RBFOX1: variants seen among roughly 807,000 people sequenced by gnomAD.
RBFOX1 encodes RNA binding protein fox-1 homolog 1.
In RBFOX1, 8 loss-of-function variants were observed where a neutral mutation model predicts 57.7. The ratio of observed to expected loss-of-function variants is 0.14; its 90% CI spans 0.08 to 0.25. The LOEUF (loss-of-function observed/expected upper bound fraction) is 0.25, where lower values mean the gene tolerates loss of function less well. Ranked by LOEUF, RBFOX1 falls within the 10% of genes least tolerant of loss-of-function variation. The probability of loss-of-function intolerance (pLI) is 1.00; values close to 1 mark genes in which losing one functional copy is unlikely to be tolerated. For missense variants in RBFOX1, 611 were observed against 548.5 expected, an observed-to-expected ratio of 1.11 and a Z score of -1.14; for synonymous variants, 326 against 222.4, an observed-to-expected ratio of 1.47 and a Z score of -4.15.
intron 3 of RBFOX1, among the ~76,000 whole-genome samples, chr16:7,037,020 G>A (rs1335446060): frequency 6.6e-6 from 1 of 152,096 alleles, no homozygotes; most frequent in Non-Finnish European, 1.5e-5. Flanking sequence ...CTGTCATGGT[G>A]CCAGTGGGAG....
chr16:7,443,313 C>T (rs2098783652), intron 4 of RBFOX1, among the ~76,000 whole-genome samples: 1 of 152,122 alleles, frequency 6.6e-6, no homozygotes, highest in Non-Finnish European at 1.5e-5. Flanking sequence ...AATGCTTGAT[C>T]AGCAGCCTTT....
At chr16:7,496,854 A>G (rs1363729076) in intron 4 of RBFOX1, among the ~76,000 whole-genome samples, 1 of 152,172 alleles carries the variant, frequency 6.6e-6, no homozygotes, top group Admixed American at 6.5e-5. Context: ...TTTAAAAATT[A>G]ATTATTTTGC....
At chr16:7,630,771 C>G (rs2060820925) in intron 11 of RBFOX1, 88 bp downstream of exon 11, 1 of 1,560,706 alleles carries the variant, frequency 6.4e-7, no homozygotes, top group African/African-American at 1.4e-5. Flanking sequence ...CTCCCCCTCC[C>G]TCTGCCCCAC....
chr16:7,373,692 A>G (rs938753214), intron 4 of RBFOX1, among the ~76,000 whole-genome samples: 5 of 151,832 alleles, frequency 3.3e-5, no homozygotes, highest in African/African-American at 7.2e-5. Context: ...AATAATTGCA[A>G]TGGTCAGTTA....
intron 2 of RBFOX1, among the ~76,000 whole-genome samples, chr16:6,574,167 T>C (rs183143975): frequency 6.6e-6 from 1 of 152,128 alleles, no homozygotes; most frequent in Non-Finnish European, 1.5e-5. Context: ...GATATATTAT[T>C]GGTGGGACCG....
At chr16:5,353,372 GA>G (rs34034136) in intron 1 of RBFOX1, among the ~76,000 whole-genome samples, 3,221 of 136,406 alleles carry the variant, frequency 0.024, 90 homozygotes, top group African/African-American at 0.073. Flanking sequence ...AGTAGTGTCT[GA>G]AAAAAAAAAA....
chr16:7,491,144 T>G lies in RBFOX1; in HGVS notation c.28-27003T>G, dbSNP rs559927955. Among the ~76,000 whole-genome samples, 221 of 152,206 alleles carry G rather than the reference T, an allele frequency of 1.5e-3. 1 individual carries two copies. The highest frequency in any genetic ancestry group is 5.2e-3 in the African/African-American group (216 of 41,554). Reference sequence around the variant, plus strand: ...CAGCCCTCTAATTATACTAAGATATTCAAATCATGAGATTCGCTCTGAAGC... The same window carrying G: ...CAGCCCTCTAATTATACTAAGATATGCAAATCATGAGATTCGCTCTGAAGC... On this transcript the variant is annotated intron_variant, in intron 4 of 15. Coordinates refer to ENST00000550418, the MANE Select transcript of RBFOX1 (RefSeq NM_018723.4).
chr16:5,407,238 G>T (rs1455544677), intron 1 of RBFOX1, among the ~76,000 whole-genome samples: 1 of 152,142 alleles, frequency 6.6e-6, no homozygotes, highest in East Asian at 1.9e-4. Context: ...GGGGGAAACT[G>T]CTCCATGATC....
intron 2 of RBFOX1, among the ~76,000 whole-genome samples, chr16:6,450,846 T>C (rs1412984418): frequency 1.7e-4 from 10 of 60,210 alleles, no homozygotes; most frequent in Non-Finnish European, 3.0e-4. Context: ...TGTGTATATA[T>C]ATATATATAT....
At chr16:6,724,174 G>T (rs1232491856) in intron 3 of RBFOX1, among the ~76,000 whole-genome samples, 1 of 150,680 alleles carries the variant, frequency 6.6e-6, no homozygotes, top group Admixed American at 6.6e-5. Context: ...TTGCCTTGTT[G>T]TCCTGATATG....
intron 1 of RBFOX1, among the ~76,000 whole-genome samples, chr16:6,119,137 C>T (rs1046871473): frequency 6.6e-6 from 1 of 151,722 alleles, no homozygotes; most frequent in African/African-American, 2.4e-5. Context: ...GATATAATGG[C>T]ATTACCTACA....
chr16:6,698,499 T>C (rs932343321), intron 3 of RBFOX1, among the ~76,000 whole-genome samples: 1 of 152,330 alleles, frequency 6.6e-6, no homozygotes, highest in South Asian at 2.1e-4. Context: ...GGGCCCTGTC[T>C]TTCCCCATGA....
At chr16:6,292,369 T>C (rs1599269995) in intron 1 of RBFOX1, among the ~76,000 whole-genome samples, 2 of 96,334 alleles carry the variant, frequency 2.1e-5, no homozygotes, top group African/African-American at 7.0e-5. Flanking sequence ...GTTCCACAGA[T>C]TTTTTTTTTT....
chr16:6,476,639 ATGG>A (rs1361151720), intron 2 of RBFOX1, among the ~76,000 whole-genome samples: 2 of 152,152 alleles, frequency 1.3e-5, no homozygotes, highest in African/African-American at 2.4e-5. Context: ...CTCGGTGTTG[ATGG>A]CTTTGTACTG....
intron 4 of RBFOX1, among the ~76,000 whole-genome samples, chr16:5,978,697 TTG>T: frequency 6.6e-6 from 1 of 151,376 alleles, no homozygotes; most frequent in African/African-American, 2.4e-5. Context: ...TTTGTTGTTG[TTG>T]TTTTTTTAAA....
In RBFOX1 at chr16:5,815,356, A is replaced by T. The variant is rs540713115; in HGVS notation, c.319-51947A>T. Among the ~76,000 whole-genome samples the T allele has an allele frequency of 3.3e-5, 5 of 151,704 alleles. 1 individual carries two copies. In the Middle Eastern group the frequency reaches 0.017, roughly 516 times the overall value. On this transcript the variant is annotated intron_variant, in intron 3 of 19. Transcript: ENST00000641259. The stretch of plus-strand genomic sequence containing the variant: ...CCTTTAAATTCCCTTCTATCCTCCC[A>T]TCCCCTGTTTGGAGACCCCAGTGGT...
At chr16:6,120,771 C>T (rs2096543160) in intron 1 of RBFOX1, among the ~76,000 whole-genome samples, 3 of 152,284 alleles carry the variant, frequency 2.0e-5, no homozygotes, top group East Asian at 1.9e-4. Context: ...TCTGTCCCTG[C>T]GTTTCTCCTC....
At chr16:6,498,085 C>T (rs933166740) in intron 2 of RBFOX1, among the ~76,000 whole-genome samples, 5 of 151,612 alleles carry the variant, frequency 3.3e-5, no homozygotes, top group East Asian at 2.0e-4. Context: ...CCCGTCTCTA[C>T]TTAAAATGTT....
chr16:7,635,931 C>G (rs1192449830), intron 11 of RBFOX1, among the ~76,000 whole-genome samples: 1 of 152,178 alleles, frequency 6.6e-6, no homozygotes, highest in Non-Finnish European at 1.5e-5. Context: ...CTGTCTCAGC[C>G]TCCCAAGTAG....
Sources: gnomAD v4.1 joint callset for allele counts (sites outside exome capture counted in the v4.1 genomes callset) on GRCh38, gnomAD v4.1.1 for gene constraint, MANE v1.5 for transcripts, NCBI Gene and HGNC (gene_info 2026-07-23, HGNC 2026-07-21) for gene names.